The following NPAS3 variants were observed in gnomAD, a reference collection of about 807,000 sequenced individuals.
NPAS3 encodes neuronal PAS domain protein 3.
NPAS3 carries 14 observed loss-of-function variants against 73.1 expected under a neutral mutation model. The ratio of observed to expected loss-of-function variants is 0.19; its 90% CI spans 0.13 to 0.30. The LOEUF is 0.30. Ranked by LOEUF, NPAS3 falls within the 10% of genes least tolerant of loss-of-function variation. The pLI is 1.00. For missense variants in NPAS3, 1,096 were observed against 1,250.0 expected (o/e 0.88, Z 1.86); for synonymous variants, 620 against 541.5 (o/e 1.14, Z -2.01).
chr14:33,452,248 G>A (rs1034613699), intron 4 of NPAS3, among the ~76,000 whole-genome samples: 1 of 152,170 alleles, frequency 6.6e-6, no homozygotes, highest in African/African-American at 2.4e-5. Context: ...TGTTAAAGGA[G>A]GTTGAACCTA....
intron 4 of NPAS3, among the ~76,000 whole-genome samples, chr14:33,489,852 A>G (rs566108393): frequency 3.3e-5 from 5 of 152,270 alleles, no homozygotes; most frequent in African/African-American, 1.2e-4. Context: ...ATTCAAACAG[A>G]ACATGTAGGT....
intron 2 of NPAS3, among the ~76,000 whole-genome samples, chr14:33,118,897 C>A (rs753178701): frequency 4.6e-5 from 7 of 151,428 alleles, no homozygotes; most frequent in Non-Finnish European, 8.8e-5. Context: ...TATCTAGTAG[C>A]ACATTTAGTT....
At chr14:32,937,052 T>C (rs1459803777), upstream of NPAS3, among the ~76,000 whole-genome samples, 2 of 152,088 alleles carry the variant, frequency 1.3e-5, no homozygotes, top group African/African-American at 4.8e-5. Context: ...GTAGCCTTCT[T>C]TGATTTTGTT....
At chr14:33,698,635 C>T (rs2032927777) in intron 6 of NPAS3, among the ~76,000 whole-genome samples, 1 of 152,198 alleles carries the variant, frequency 6.6e-6, no homozygotes, top group Non-Finnish European at 1.5e-5. Context: ...GTAATACCCT[C>T]CCCTAAACGT....
intron 1 of NPAS3, among the ~76,000 whole-genome samples, chr14:33,044,654 GTT>G (rs11408612): frequency 3.6e-5 from 5 of 138,524 alleles, no homozygotes; most frequent in South Asian, 2.3e-4. Flanking sequence ...GAGTTAGTTT[GTT>G]TTTTTTTTTT....
chr14:33,581,380 C>T (rs965213542), intron 5 of NPAS3, among the ~76,000 whole-genome samples: 1 of 152,026 alleles, frequency 6.6e-6, no homozygotes, highest in African/African-American at 2.4e-5. Flanking sequence ...TTTTTAATTA[C>T]AAAAGCATCA....
chr14:33,289,890 G>C (rs1264833519), intron 3 of NPAS3, among the ~76,000 whole-genome samples: 1 of 151,760 alleles, frequency 6.6e-6, no homozygotes, highest in African/African-American at 2.4e-5. Context: ...TAGCCTGTTG[G>C]TATTTCCCAT....
At chr14:33,407,373 T>C (rs2047713749) in intron 4 of NPAS3, among the ~76,000 whole-genome samples, 1 of 152,292 alleles carries the variant, frequency 6.6e-6, no homozygotes, top group Non-Finnish European at 1.5e-5. Flanking sequence ...AGAGGAAAAG[T>C]GGAAAGTCAC....
chr14:33,593,182 A>G (rs2057128469), intron 5 of NPAS3, among the ~76,000 whole-genome samples: 1 of 152,158 alleles, frequency 6.6e-6, no homozygotes, highest in Admixed American at 6.5e-5. Flanking sequence ...TACTTAACAT[A>G]TATTATTAAT....
chr14:33,615,528 T>C (rs1393250594), intron 5 of NPAS3, among the ~76,000 whole-genome samples: 2 of 152,132 alleles, frequency 1.3e-5, no homozygotes, highest in Non-Finnish European at 2.9e-5. Flanking sequence ...CTTCAGTGTG[T>C]CAATCCTGGT....
intron 2 of NPAS3, among the ~76,000 whole-genome samples, chr14:33,082,723 C>T (rs1400329320): frequency 1.3e-5 from 2 of 152,210 alleles, no homozygotes; most frequent in African/African-American, 2.4e-5. Flanking sequence ...TCAGCTCTGC[C>T]ACTTGGGGCC....
intron 3 of NPAS3, among the ~76,000 whole-genome samples, chr14:33,274,907 T>A (rs1464802278): frequency 6.6e-6 from 1 of 152,232 alleles, no homozygotes; most frequent in Non-Finnish European, 1.5e-5. Flanking sequence ...CTTTTATCAT[T>A]TCATTAGTTG....
chr14:33,393,063 T>C lies in NPAS3; in HGVS notation c.468+25795T>C, dbSNP rs531747534. On this transcript the variant is annotated intron_variant, in intron 4 of 11. Coordinates refer to ENST00000356141, the Ensembl canonical transcript of NPAS3. The stretch of plus-strand genomic sequence containing the variant: ...CTCTCTCTAGAACATATTTTTCAAA[T>C]ACTTGTTCAAACTAAATATGCTTAT... 2.6e-5 allele frequency among the ~76,000 whole-genome samples: 4 copies of C among 152,324 alleles called. No individual in the cohort carries two copies. In the East Asian group the frequency reaches 7.7e-4, roughly 29 times the overall value.
intron 3 of NPAS3, among the ~76,000 whole-genome samples, chr14:33,221,319 G>A (rs1594431516): frequency 6.6e-6 from 1 of 152,172 alleles, no homozygotes; most frequent in East Asian, 1.9e-4. Flanking sequence ...AAGGGGCAGG[G>A]AAGCACATTG....
intron 2 of NPAS3, among the ~76,000 whole-genome samples, chr14:33,170,757 T>A (rs550237470): frequency 6.6e-6 from 1 of 152,180 alleles, no homozygotes; most frequent in Non-Finnish European, 1.5e-5. Context: ...ATTACAGTAG[T>A]TCAGTCACAT....
intron 2 of NPAS3, among the ~76,000 whole-genome samples, chr14:33,136,146 C>T (rs553529856): frequency 2.8e-4 from 43 of 151,042 alleles, no homozygotes; most frequent in African/African-American, 9.5e-4. Context: ...CTGCAACCTC[C>T]GCCTCCCAGG....
chr14:33,055,799 G>GTGGC, intron 1 of NPAS3, 106 bp from the exon 2 acceptor site: 3 of 662,236 alleles, frequency 4.5e-6, no homozygotes, highest in Non-Finnish European at 8.2e-6. Context: ...GAGCTCAAAA[G>GTGGC]CGTAAAAAGC....
At chr14:33,264,603 T>C (rs1167289881) in intron 3 of NPAS3, among the ~76,000 whole-genome samples, 2 of 152,172 alleles carry the variant, frequency 1.3e-5, no homozygotes, top group African/African-American at 2.4e-5. Context: ...TGAGAAGAGT[T>C]AGTGTCTGAA....
chr14:33,502,516 T>A (rs536613958), intron 4 of NPAS3, among the ~76,000 whole-genome samples: 1 of 152,124 alleles, frequency 6.6e-6, no homozygotes, highest in South Asian at 2.1e-4. Context: ...TTCGTGTGTT[T>A]TCTTTCTCTG....
Sources: allele counts gnomAD v4.1 joint callset (sites outside exome capture counted in the v4.1 genomes callset), GRCh38; gene constraint gnomAD v4.1.1; transcripts MANE v1.5; gene names NCBI Gene and HGNC (gene_info 2026-07-23, HGNC 2026-07-21).